The following MICAL3 variants were observed in gnomAD, a reference collection of about 807,000 sequenced individuals.
MICAL3 encodes the protein [F-actin]-monooxygenase MICAL3.
Under a neutral mutation model 207.4 loss-of-function variants are expected in MICAL3, and 62 were observed. That is an observed-to-expected ratio of 0.30 (90% CI 0.24 to 0.37). The LOEUF (loss-of-function observed/expected upper bound fraction) is 0.37, where lower values mean the gene tolerates loss of function less well. Among genes scored for constraint, MICAL3 ranks in the 10% least tolerant of loss-of-function variants. The pLI, the probability that MICAL3 is intolerant of heterozygous loss-of-function variation, is 1.00. For synonymous variants in MICAL3, 1,077 were observed against 1,069.3 expected (o/e 1.01, Z -0.14); for missense variants, 2,368 against 2,635.6 (o/e 0.90, Z 2.22).
intron 1 of MICAL3, among the ~76,000 whole-genome samples, chr22:17,989,331 C>T (rs1056293083): frequency 2.6e-5 from 4 of 152,180 alleles, no homozygotes; most frequent in African/African-American, 9.7e-5. Context: ...GCTCTGCTCC[C>T]ACAGCTCCCT....
At position 17,832,219 on chromosome 22, in the gene MICAL3, C is replaced by G. The variant is rs77650951; in HGVS notation, c.2802-112G>C. Reference sequence around the variant, plus strand: ...CATGTCAGGCAAAGCAGCTGCTGAGCAGGCGGAGAGAGACAGGAGGGAGGA... The same window carrying G: ...CATGTCAGGCAAAGCAGCTGCTGAGGAGGCGGAGAGAGACAGGAGGGAGGA... On this transcript the variant is annotated intron_variant, in intron 20 of 31. Coordinates refer to ENST00000441493, the MANE Select transcript of MICAL3 (RefSeq NM_015241.3). 8,739 of 1,367,248 alleles carry G rather than the reference C, an allele frequency of 6.4e-3. 437 individuals carry two copies. The African/African-American group carries it at 0.11, about 17-fold the overall frequency. 84.7% of individuals were successfully genotyped at this position (1,367,248 alleles called of 1,614,324 possible).
At chr22:17,920,913 C>G (rs917242369) in intron 1 of MICAL3, among the ~76,000 whole-genome samples, 10 of 152,116 alleles carry the variant, frequency 6.6e-5, no homozygotes, top group Non-Finnish European at 1.3e-4. Context: ...CTTGGGGCCC[C>G]AAACTCACTA....
Position 17,817,858 on chromosome 22 carries a change from C to T in MICAL3, c.4803G>A (p.Glu1601=), listed in dbSNP as rs762463272. The T allele has an allele frequency of 6.2e-7, 1 of 1,612,304 alleles. No homozygotes were observed. Among genetic ancestry groups the T allele is most frequent in the East Asian group, 2.2e-5 (1 of 44,856 alleles). ...GCAGCGCCTGGCTCTTCACGGACTT[C>T]TCCCTGGCTCGCATGCGCTCCTCGG... is the stretch of plus-strand genomic sequence containing the variant. ...ELAEERMRAR[E]KSVKSQALRD... is the part of the protein sequence containing the mutation. Residue 1601 remains glutamate (E), a synonymous_variant, in exon 26 of 32, where the codon GAG becomes GAA. Coordinates refer to ENST00000441493, the MANE Select transcript of MICAL3 (RefSeq NM_015241.3).
chr22:17,851,722 C>T (rs954824164), intron 19 of MICAL3, among the ~76,000 whole-genome samples: 10 of 152,164 alleles, frequency 6.6e-5, no homozygotes, highest in Non-Finnish European at 8.8e-5. Flanking sequence ...TCTACCAAGA[C>T]GGCAAGAGTT....
Position 17,950,208 on chromosome 22 carries a change from C to A in MICAL3, c.-74-43322G>T, listed in dbSNP as rs1029845032. 2.0e-5 allele frequency among the ~76,000 whole-genome samples: 3 copies of A among 149,594 alleles called. No individual in the cohort carries two copies. In the South Asian group the frequency reaches 6.2e-4, roughly 31 times the overall value. On this transcript the variant is annotated intron_variant, in intron 1 of 31. Transcript: ENST00000441493. The stretch of plus-strand genomic sequence containing the variant: ...CAAGAGTCTCGCTCTGTTACCCAGG[C>A]TGGAATGCAGTGGCGCTATCTTGGC...
chr22:17,857,349 T>G lies in MICAL3; in HGVS notation c.2605+7550A>C, dbSNP rs373966928. Among the ~76,000 whole-genome samples the G allele has an allele frequency of 8.5e-5, 13 of 152,312 alleles. 1 individual carries two copies. Among genetic ancestry groups the G allele is most frequent in the African/African-American group, 3.1e-4 (13 of 41,576 alleles). On this transcript the variant is annotated intron_variant, in intron 19 of 31. Transcript: ENST00000441493. Reference sequence around the variant, plus strand: ...GAGCATGTGAGGGACCCACGCCGCATGCTCCTTATGAGAATCCAACTAAGG... The same window carrying G: ...GAGCATGTGAGGGACCCACGCCGCAGGCTCCTTATGAGAATCCAACTAAGG...
At chr22:17,901,835 T>C in intron 5 of MICAL3, 43 bp downstream of exon 5, 1 of 1,487,758 alleles carries the variant, frequency 6.7e-7, no homozygotes, top group Non-Finnish European at 9.4e-7. Context: ...TAGCATCAGC[T>C]TTCCCTCTGC....
chr22:17,946,784 A>C (rs1275448635), intron 1 of MICAL3, among the ~76,000 whole-genome samples: 1 of 152,214 alleles, frequency 6.6e-6, no homozygotes, highest in Non-Finnish European at 1.5e-5. Context: ...AAGTGTGCAC[A>C]TCACAGGAGG....
At chr22:17,912,368 TAA>T (rs113708314) in intron 1 of MICAL3, among the ~76,000 whole-genome samples, 6,072 of 140,596 alleles carry the variant, frequency 0.043, 180 homozygotes, top group African/African-American at 0.085. Flanking sequence ...TCTATTTCTG[TAA>T]AAAAAAAAAA....
At chr22:17,865,105 A>C (rs1343419214) in intron 18 of MICAL3, 119 bp from the exon 19 acceptor site, 25 of 690,252 alleles carry the variant, frequency 3.6e-5, no homozygotes, top group Non-Finnish European at 4.8e-5. Flanking sequence ...TTATTTATTT[A>C]TTTATTTATT....
Position 17,810,102 on chromosome 22 carries a change from G to A in MICAL3, c.5556+601C>T, listed in dbSNP as rs1054104479. Among the ~76,000 whole-genome samples the A allele has an allele frequency of 1.1e-4, 15 of 136,390 alleles. No individual in the cohort carries two copies. The East Asian group carries it at 1.5e-3, about 14-fold the overall frequency. The allele number at this position is 136,390 out of a possible 152,430, so 89.5% of individuals were successfully genotyped here. A position where few individuals can be genotyped will look rare whatever the true frequency, so the allele number is the denominator to read the frequency against. On this transcript the variant is annotated intron_variant, in intron 28 of 31. Coordinates refer to ENST00000441493, the MANE Select transcript of MICAL3 (RefSeq NM_015241.3). Reference sequence around the variant, plus strand: ...TTTTGAGACAGAGTCTCTCTGTGTCGCCTAGGCTGGGGTGCAGTGGCACAA... The same window carrying A: ...TTTTGAGACAGAGTCTCTCTGTGTCACCTAGGCTGGGGTGCAGTGGCACAA...
chr22:17,858,470 C>A, intron 19 of MICAL3: 1 of 984,802 alleles, frequency 1.0e-6, no homozygotes, highest in Non-Finnish European at 1.2e-6. Flanking sequence ...GGAAAGACTT[C>A]TCCTGAAATC....
At chr22:17,955,186 G>A (rs764102643) in intron 1 of MICAL3, among the ~76,000 whole-genome samples, 4 of 152,124 alleles carry the variant, frequency 2.6e-5, no homozygotes, top group Non-Finnish European at 2.9e-5. Context: ...AGTAAATGGT[G>A]GCTATTCACT....
Position 17,842,221 on chromosome 22 carries a change from C to T in MICAL3, c.2606-204G>A, listed in dbSNP as rs551172228. Reference sequence around the variant, plus strand: ...CTCTGCAGGAGAAAGGAAGGTGGCCCTGTCTGCCCTCCAGGTCAGAGCGTT... The same window carrying T: ...CTCTGCAGGAGAAAGGAAGGTGGCCTTGTCTGCCCTCCAGGTCAGAGCGTT... On this transcript the variant is annotated intron_variant, in intron 19 of 31. Transcript: ENST00000441493. 2.1e-4 allele frequency: 126 copies of T among 598,850 alleles called. No homozygotes were observed. In the South Asian group the frequency reaches 2.4e-3, roughly 11 times the overall value. 37.1% of individuals were successfully genotyped at this position (598,850 alleles called of 1,614,324 possible).
intron 1 of MICAL3, among the ~76,000 whole-genome samples, chr22:17,926,154 A>C (rs1471182962): frequency 6.6e-6 from 1 of 152,140 alleles, no homozygotes; most frequent in African/African-American, 2.4e-5. Flanking sequence ...AGGACAGTGG[A>C]ATCAACAAAG....
intron 1 of MICAL3, among the ~76,000 whole-genome samples, chr22:17,933,068 A>G (rs540772251): frequency 6.6e-6 from 1 of 152,342 alleles, no homozygotes; most frequent in East Asian, 1.9e-4. Flanking sequence ...TCAACGAGAC[A>G]GAAGGTTAAC....
intron 1 of MICAL3, among the ~76,000 whole-genome samples, chr22:18,022,776 G>GT (rs1924566554): frequency 6.6e-6 from 1 of 152,124 alleles, no homozygotes. Flanking sequence ...TGAGTGGGTG[G>GT]TGGGGGGATA....
intron 19 of MICAL3, among the ~76,000 whole-genome samples, chr22:17,848,474 CA>C (rs1209776937): frequency 3.9e-5 from 6 of 152,184 alleles, no homozygotes; most frequent in Admixed American, 3.9e-4. Flanking sequence ...TATGAAGCTG[CA>C]GAGGGACCCC....
At chr22:17,897,009 G>T in intron 7 of MICAL3, 28 bp from the exon 8 acceptor site, 1 of 1,589,358 alleles carries the variant, frequency 6.3e-7, no homozygotes, top group Non-Finnish European at 8.6e-7. Flanking sequence ...GGAGGGTAGG[G>T]ATGGAGAAGC....
Sources: allele counts gnomAD v4.1 joint callset (sites outside exome capture counted in the v4.1 genomes callset), GRCh38; gene constraint gnomAD v4.1.1; transcripts MANE v1.5; gene names NCBI Gene and HGNC (gene_info 2026-07-23, HGNC 2026-07-21).